The following RIPOR2 variants were observed in gnomAD, a reference collection of about 807,000 sequenced individuals.
RIPOR2 encodes the protein RHO family interacting cell polarization regulator 2.
A neutral mutation model predicts 114.5 loss-of-function variants in RIPOR2; 39 were observed. The observed-to-expected ratio is 0.34, with a 90% CI of 0.26 to 0.44. The LOEUF (loss-of-function observed/expected upper bound fraction) is 0.44. Ranked by LOEUF, RIPOR2 falls within the 20% of genes least tolerant of loss-of-function variation. The pLI is 1.00. For missense variants in RIPOR2, 1,007 were observed against 1,255.1 expected (o/e 0.80, Z 2.99); for synonymous variants, 445 against 484.4 (o/e 0.92, Z 1.07).
intron 1 of RIPOR2, among the ~76,000 whole-genome samples, chr6:24,941,733 T>C (rs1234939767): frequency 1.3e-5 from 2 of 152,178 alleles, no homozygotes; most frequent in South Asian, 2.1e-4. Context: ...CCTCTCAGGG[T>C]TTGGCAACAT....
chr6:24,857,600 T>G (rs1335498924), intron 8 of RIPOR2, among the ~76,000 whole-genome samples: 1 of 152,132 alleles, frequency 6.6e-6, no homozygotes, highest in East Asian at 1.9e-4. Context: ...CACTTCCTAC[T>G]TTAAGACAAC....
chr6:25,013,490 G>T (rs911929794), intron 1 of RIPOR2, among the ~76,000 whole-genome samples: 1 of 152,202 alleles, frequency 6.6e-6, no homozygotes, highest in Non-Finnish European at 1.5e-5. Context: ...TGAAGGGGCG[G>T]CCCCTTGAGC....
chr6:24,867,543 C>T (rs1764731949), intron 6 of RIPOR2, among the ~76,000 whole-genome samples: 1 of 152,240 alleles, frequency 6.6e-6, no homozygotes, highest in South Asian at 2.1e-4. Context: ...GCAACCCTTT[C>T]CCCTACTAGT....
intron 1 of RIPOR2, among the ~76,000 whole-genome samples, chr6:24,958,666 T>C (rs913124990): frequency 6.6e-6 from 1 of 152,168 alleles, no homozygotes; most frequent in Non-Finnish European, 1.5e-5. Flanking sequence ...TGCCTATAAT[T>C]TGGGGTGAGA....
At chr6:24,927,258 C>CACT (rs1224601479) in intron 1 of RIPOR2, among the ~76,000 whole-genome samples, 11 of 151,796 alleles carry the variant, frequency 7.2e-5, no homozygotes, top group African/African-American at 2.7e-4. Flanking sequence ...CCACCACCAC[C>CACT]ACCACCACAG....
At chr6:24,998,905 A>G (rs1180049269) in intron 1 of RIPOR2, among the ~76,000 whole-genome samples, 3 of 151,382 alleles carry the variant, frequency 2.0e-5, no homozygotes, top group Admixed American at 6.6e-5. Flanking sequence ...TAGAGCTTGT[A>G]TTGACTTCTT....
intron 8 of RIPOR2, among the ~76,000 whole-genome samples, chr6:24,854,336 C>G (rs1206534696): frequency 6.6e-6 from 1 of 152,012 alleles, no homozygotes; most frequent in Non-Finnish European, 1.5e-5. Flanking sequence ...AGAGTTTCAC[C>G]ACAGTAAAAT....
chr6:24,903,407 A>T (rs1482755501), intron 1 of RIPOR2, among the ~76,000 whole-genome samples: 1 of 152,114 alleles, frequency 6.6e-6, no homozygotes, highest in Non-Finnish European at 1.5e-5. Flanking sequence ...TTATTGAAAG[A>T]TCATGCGGGG....
At chr6:24,971,873 G>T (rs1773802443) in intron 1 of RIPOR2, among the ~76,000 whole-genome samples, 1 of 133,000 alleles carries the variant, frequency 7.5e-6, no homozygotes, top group Non-Finnish European at 1.8e-5. Context: ...AATGAGTCTT[G>T]CCAAGTGTCA....
intron 1 of RIPOR2, among the ~76,000 whole-genome samples, chr6:24,927,182 T>TACAACTA (rs1350897331): frequency 3.1e-4 from 1 of 3,232 alleles, no homozygotes; most frequent in Non-Finnish European, 5.2e-4. Context: ...ACCACCACCA[T>TACAACTA]GACCACCACC....
At chr6:24,905,707 C>G (rs1768911985) in intron 1 of RIPOR2, among the ~76,000 whole-genome samples, 1 of 152,176 alleles carries the variant, frequency 6.6e-6, no homozygotes. Flanking sequence ...TGCACTAGCT[C>G]CAGGAGCTCC....
At chr6:25,029,482 T>C (rs1298300071) in intron 1 of RIPOR2, among the ~76,000 whole-genome samples, 2 of 139,080 alleles carry the variant, frequency 1.4e-5, no homozygotes, top group East Asian at 4.2e-4. Context: ...AAGAACAAAC[T>C]CTGGCCTGGA....
intron 1 of RIPOR2, among the ~76,000 whole-genome samples, chr6:25,022,933 G>A (rs549777646): frequency 1.3e-5 from 2 of 152,246 alleles, no homozygotes; most frequent in South Asian, 4.1e-4. Flanking sequence ...AATGCAAATA[G>A]AGTATGCATT....
At chr6:24,956,891 T>C (rs1034931025) in intron 1 of RIPOR2, among the ~76,000 whole-genome samples, 3 of 152,248 alleles carry the variant, frequency 2.0e-5, no homozygotes, top group African/African-American at 7.2e-5. Context: ...ATTACTTTTG[T>C]TTTTGCTGTG....
At chr6:24,974,126 G>A (rs766578687) in intron 1 of RIPOR2, among the ~76,000 whole-genome samples, 6 of 152,220 alleles carry the variant, frequency 3.9e-5, no homozygotes, top group Admixed American at 3.9e-4. Flanking sequence ...GCTCATGCCT[G>A]TAATCCCAGC....
At chr6:24,973,953 G>A (rs527388154) in intron 1 of RIPOR2, among the ~76,000 whole-genome samples, 1 of 152,316 alleles carries the variant, frequency 6.6e-6, no homozygotes, top group East Asian at 1.9e-4. Flanking sequence ...AGAGGACGGA[G>A]AGAAGGAGAG....
intron 1 of RIPOR2, among the ~76,000 whole-genome samples, chr6:24,987,128 T>C (rs946046862): frequency 3.7e-4 from 56 of 152,144 alleles, no homozygotes; most frequent in Admixed American, 3.6e-3. Context: ...TTCTAGAATA[T>C]AACTGGCTGA....
At chr6:24,852,684 C>A in intron 8 of RIPOR2, 66 bp from the exon 9 acceptor site, 1 of 1,200,496 alleles carries the variant, frequency 8.3e-7, no homozygotes, top group Non-Finnish European at 1.2e-6. Flanking sequence ...CACATACTGG[C>A]ACGTTAAAAA....
At chr6:24,820,180 A>T (rs1427821016) in intron 19 of RIPOR2, among the ~76,000 whole-genome samples, 1 of 151,798 alleles carries the variant, frequency 6.6e-6, no homozygotes, top group Non-Finnish European at 1.5e-5. Flanking sequence ...TTACAGGCGG[A>T]TGCTATGATG....
Sources: allele counts gnomAD v4.1 joint callset (sites outside exome capture counted in the v4.1 genomes callset), GRCh38; gene constraint gnomAD v4.1.1; transcripts MANE v1.5; gene names NCBI Gene and HGNC (gene_info 2026-07-23, HGNC 2026-07-21).